NDP: variants seen among roughly 807,000 people sequenced by gnomAD.
NDP encodes norrin.
In NDP, 2 loss-of-function variants were observed where a neutral mutation model predicts 8.4. That is an observed-to-expected ratio of 0.24 (90% confidence interval 0.10 to 0.75). The LOEUF (loss-of-function observed/expected upper bound fraction) is 0.75, where lower values mean the gene tolerates loss of function less well. NDP is among the 30% of genes least tolerant of loss of function. NDP has a pLI of 0.73. For missense variants in NDP, 81 were observed against 110.1 expected (o/e 0.74, Z 1.18); for synonymous variants, 55 against 45.6 (o/e 1.21, Z -0.83).
At chrX:43,964,356 A>G (rs2035845010) in intron 1 of NDP, among the ~76,000 whole-genome samples, 1 of 111,218 alleles carries the variant, frequency 9.0e-6, no homozygotes, top group African/African-American at 3.3e-5. Flanking sequence ...AAACTGAAGG[A>G]CTAGAAATAT....
chrX:43,959,236 A>G (rs1031872161), intron 1 of NDP, among the ~76,000 whole-genome samples: 1 of 111,651 alleles, frequency 9.0e-6, no homozygotes, highest in Non-Finnish European at 1.9e-5. Flanking sequence ...TCAGTTTCTC[A>G]GCAAGCTTTG....
rs916638099 is a variant in NDP, at chrX:43,949,685, C to T, written c.*114G>A. Reference sequence around the variant, plus strand: ...TTTATTACTAGAATATGCAGAGTCCCGGGAGAATTGTTGCATCCTTTTTTG... The same window carrying T: ...TTTATTACTAGAATATGCAGAGTCCTGGGAGAATTGTTGCATCCTTTTTTG... On this transcript the variant is annotated 3_prime_UTR_variant, in exon 3 of 3. Transcript: ENST00000642620. 17 of 679,203 alleles carry T rather than the reference C, an allele frequency of 2.5e-5. No individual in the cohort carries two copies. Among genetic ancestry groups the T allele is most frequent in the South Asian group, 4.7e-5 (2 of 42,237 alleles). 56.0% of individuals were successfully genotyped at this position (679,203 alleles called of 1,213,427 possible).
chrX:43,960,341 C>G (rs924211673), intron 1 of NDP, among the ~76,000 whole-genome samples: 2 of 111,364 alleles, frequency 1.8e-5, no homozygotes, highest in African/African-American at 6.5e-5. Flanking sequence ...TCTGCTGTCC[C>G]TTTGTGTTCT....
chrX:43,956,079 G>C (rs1351455165), intron 2 of NDP, among the ~76,000 whole-genome samples: 1 of 111,246 alleles, frequency 9.0e-6, no homozygotes, highest in Non-Finnish European at 1.9e-5. Flanking sequence ...TAATTATTTT[G>C]GGCTTCAGTT....
At chrX:43,961,831 T>C (rs1602068342) in intron 1 of NDP, among the ~76,000 whole-genome samples, 1 of 111,770 alleles carries the variant, frequency 8.9e-6, no homozygotes, top group Non-Finnish European at 1.9e-5. Flanking sequence ...AGTCAAATAC[T>C]CTTCCAGGGC....
At chrX:43,969,963 A>G (rs2035882689) in intron 1 of NDP, among the ~76,000 whole-genome samples, 1 of 112,150 alleles carries the variant, frequency 8.9e-6, no homozygotes, top group Non-Finnish European at 1.9e-5. Context: ...TGGCACTGCC[A>G]GTCTAGCTGG....
At chrX:43,957,455 C>T (rs753943874) in intron 2 of NDP, among the ~76,000 whole-genome samples, 9 of 110,276 alleles carry the variant, frequency 8.2e-5, no homozygotes, top group Admixed American at 7.8e-4. Context: ...TGATTTAACT[C>T]GAATTCTGAT....
At chrX:43,968,223 G>C (rs1416908969) in intron 1 of NDP, among the ~76,000 whole-genome samples, 2 of 111,833 alleles carry the variant, frequency 1.8e-5, no homozygotes, top group Non-Finnish European at 3.8e-5. Flanking sequence ...AATGGGTCTG[G>C]GGGTAAGACT....
At chrX:43,970,692 G>A (rs2035886817) in intron 1 of NDP, among the ~76,000 whole-genome samples, 1 of 111,214 alleles carries the variant, frequency 9.0e-6, no homozygotes, top group Admixed American at 9.5e-5. Context: ...TTGATACTGG[G>A]GGTGGGACAA....
At chrX:43,960,648 T>G (rs1478550) in intron 1 of NDP, 31,918 of 111,562 alleles carry the variant, frequency 0.29, 3,489 homozygotes, top group African/African-American at 0.36. Context: ...TGGGGTCCAC[T>G]TTCAGAGGAT....
At chrX:43,968,530 T>A (rs931122595) in intron 1 of NDP, among the ~76,000 whole-genome samples, 5 of 112,397 alleles carry the variant, frequency 4.4e-5, no homozygotes, top group African/African-American at 1.6e-4. Flanking sequence ...CACCCTTTGT[T>A]TTCTCCTGAA....
At chrX:43,965,086 A>G (rs1272582989) in intron 1 of NDP, among the ~76,000 whole-genome samples, 2 of 112,059 alleles carry the variant, frequency 1.8e-5, no homozygotes, top group Admixed American at 9.5e-5. Context: ...CTTGCCATGT[A>G]CTAAATAGTT....
At chrX:43,964,218 C>T (rs2035843867) in intron 1 of NDP, among the ~76,000 whole-genome samples, 1 of 111,386 alleles carries the variant, frequency 9.0e-6, no homozygotes, top group Non-Finnish European at 1.9e-5. Flanking sequence ...GCACTACTAG[C>T]CAAGTGTAGC....
chrX:43,953,988 T>C (rs1349969003), intron 2 of NDP, among the ~76,000 whole-genome samples: 1 of 112,656 alleles, frequency 8.9e-6, no homozygotes, highest in Non-Finnish European at 1.9e-5. Flanking sequence ...TCCAAGAGCC[T>C]TGACTGACCA....
At chrX:43,957,069 T>A (rs1186256265) in intron 2 of NDP, among the ~76,000 whole-genome samples, 5 of 111,995 alleles carry the variant, frequency 4.5e-5, no homozygotes, top group Non-Finnish European at 7.5e-5. Context: ...TTCCTTTTTT[T>A]AAAAAAGAAT....
At chrX:43,965,430 A>C (rs184140814) in intron 1 of NDP, among the ~76,000 whole-genome samples, 51 of 110,936 alleles carry the variant, frequency 4.6e-4, no homozygotes, top group African/African-American at 1.5e-3. Flanking sequence ...AAAAAACAAA[A>C]GTTAACAGTA....
chrX:43,969,955 G>A (rs1168561931), intron 1 of NDP, among the ~76,000 whole-genome samples: 1 of 112,006 alleles, frequency 8.9e-6, no homozygotes, highest in Non-Finnish European at 1.9e-5. Flanking sequence ...CCCAGACATG[G>A]CACTGCCAGT....
Position 43,958,701 on chromosome X carries a change from A to C in NDP, c.-56T>G. 9.3e-7 allele frequency: 1 copy of C among 1,075,433 alleles called. No individual in the cohort carries two copies. The highest frequency in any genetic ancestry group is 2.2e-5 in the Admixed American group (1 of 44,910). 88.6% of individuals were successfully genotyped at this position (1,075,433 alleles called of 1,213,427 possible). A position where few individuals can be genotyped will look rare whatever the true frequency, so the allele number is the denominator to read the frequency against. On this transcript the variant is annotated 5_prime_UTR_variant, in exon 2 of 3. Coordinates refer to ENST00000642620, the MANE Select transcript of NDP (RefSeq NM_000266.4). ...AGCAGAGGGAGGCAGAGGACAAAAA[A>C]TTGGAAATGGCTTCACCTCCTAGGA... is the stretch of plus-strand genomic sequence containing the variant.
intron 1 of NDP, among the ~76,000 whole-genome samples, chrX:43,963,462 A>G (rs2035838537): frequency 8.9e-6 from 1 of 112,372 alleles, no homozygotes; most frequent in South Asian, 3.7e-4. Flanking sequence ...GAATGGAGTC[A>G]GTATATCAGC....
Sources: gnomAD v4.1 joint callset for allele counts (sites outside exome capture counted in the v4.1 genomes callset) on GRCh38, gnomAD v4.1.1 for gene constraint, MANE v1.5 for transcripts, NCBI Gene and HGNC (gene_info 2026-07-23, HGNC 2026-07-21) for gene names.